ABCC1: variants seen among roughly 807,000 people sequenced by gnomAD.
The protein encoded by ABCC1 is ATP binding cassette subfamily C member 1 (ABCC1 blood group), also known as multidrug resistance-associated protein 1.
ABCC1 carries 83 observed loss-of-function variants against 172.9 expected under a neutral mutation model. That is an observed-to-expected ratio of 0.48 (90% CI 0.40 to 0.58). The LOEUF is 0.58. Among genes scored for constraint, ABCC1 ranks in the 20% least tolerant of loss-of-function variants. ABCC1 has a pLI of 0.00. For missense variants in ABCC1, 1,817 were observed against 2,002.7 expected, an observed-to-expected ratio of 0.91 and a Z score of 1.77; for synonymous variants, 937 against 825.2, an observed-to-expected ratio of 1.14 and a Z score of -2.32.
intron 1 of ABCC1, among the ~76,000 whole-genome samples, chr16:15,986,775 C>T (rs188009894): frequency 7.3e-4 from 111 of 152,282 alleles, no homozygotes; most frequent in African/African-American, 2.5e-3. Flanking sequence ...GGCATCTTTA[C>T]GGGCTATTCT....
chr16:16,103,328 C>G (rs1306102142), intron 20 of ABCC1, among the ~76,000 whole-genome samples: 1 of 152,090 alleles, frequency 6.6e-6, no homozygotes, highest in Non-Finnish European at 1.5e-5. Context: ...GCCTATAATC[C>G]CAGCACTTCG....
At chr16:16,092,367 C>T (rs756787788) in intron 19 of ABCC1, among the ~76,000 whole-genome samples, 3 of 152,210 alleles carry the variant, frequency 2.0e-5, no homozygotes, top group Non-Finnish European at 4.4e-5. Context: ...AACCCCAATC[C>T]ATCAGCCATG....
chr16:16,137,280 C>A (rs1036323008), intron 29 of ABCC1, among the ~76,000 whole-genome samples: 2 of 152,252 alleles, frequency 1.3e-5, no homozygotes, highest in Middle Eastern at 3.4e-3. Context: ...GTTGGCTGAT[C>A]TCGGGGTCAG....
chr16:16,125,922 G>GC lies in ABCC1; in HGVS notation c.3819+15dup, dbSNP rs771012546. ...GAGACTGAGAAGGAGGTAGGCAAGG[G>GC]CCCCTGGCTGGACCTCTTGGTCTTT... On this transcript the variant is annotated intron_variant, in intron 26 of 30. Transcript: ENST00000399410. 3 of 1,607,424 alleles carry GC rather than the reference G, an allele frequency of 1.9e-6. No homozygotes were observed. The highest frequency in any genetic ancestry group is 2.2e-5 in the South Asian group (2 of 90,724).
At chr16:16,071,260 A>ATT (rs55691800) in intron 13 of ABCC1, among the ~76,000 whole-genome samples, 17,366 of 130,520 alleles carry the variant, frequency 0.13, 1,197 homozygotes, top group East Asian at 0.23. Context: ...AATTTTATGT[A>ATT]TTTTTTTTTT....
chr16:15,996,584 C>T (rs2047063438), intron 1 of ABCC1, among the ~76,000 whole-genome samples: 1 of 152,198 alleles, frequency 6.6e-6, no homozygotes, highest in Non-Finnish European at 1.5e-5. Context: ...GTGGCCTTCC[C>T]TCCTGTCCTG....
At chr16:16,023,111 C>A (rs1376558038) in intron 5 of ABCC1, among the ~76,000 whole-genome samples, 2 of 152,172 alleles carry the variant, frequency 1.3e-5, no homozygotes, top group East Asian at 3.9e-4. Flanking sequence ...GTGAGGGCTC[C>A]TTATGTTGCC....
intron 12 of ABCC1, among the ~76,000 whole-genome samples, chr16:16,063,688 A>C (rs545868710): frequency 6.6e-6 from 1 of 152,126 alleles, no homozygotes; most frequent in Non-Finnish European, 1.5e-5. Context: ...GGAGTTCCCA[A>C]GATAATGTTG....
intron 1 of ABCC1, among the ~76,000 whole-genome samples, chr16:15,958,200 G>A (rs779159644): frequency 6.6e-5 from 10 of 152,108 alleles, no homozygotes; most frequent in Non-Finnish European, 1.3e-4. Flanking sequence ...CTGCCTCCCG[G>A]GTTCCAGTGA....
intron 15 of ABCC1, among the ~76,000 whole-genome samples, chr16:16,076,603 G>C (rs980562371): frequency 1.3e-5 from 2 of 152,222 alleles, no homozygotes; most frequent in African/African-American, 4.8e-5. Context: ...CACATGCCTA[G>C]CACAGAGGGT....
chr16:16,005,701 C>T (rs62029839), intron 1 of ABCC1, among the ~76,000 whole-genome samples: 1 of 151,990 alleles, frequency 6.6e-6, no homozygotes, highest in South Asian at 2.1e-4. Context: ...TCACGCCTGT[C>T]ATTCCAACAC....
At chr16:16,079,299 G>T (rs1487090270) in intron 15 of ABCC1, 53 bp from the exon 16 acceptor site, 2 of 1,600,656 alleles carry the variant, frequency 1.2e-6, no homozygotes, top group East Asian at 4.5e-5. Flanking sequence ...ATGGGCATTA[G>T]CCCGGCAGGC....
chr16:16,111,168 G>A lies in ABCC1; in HGVS notation c.2872-207G>A, dbSNP rs549272753. Among the ~76,000 whole-genome samples, 9 of 152,294 alleles carry A rather than the reference G, an allele frequency of 5.9e-5. No homozygotes were observed. In the South Asian group the frequency reaches 1.2e-3, roughly 21 times the overall value. On this transcript the variant is annotated intron_variant, in intron 21 of 30. Coordinates refer to ENST00000399410, the MANE Select transcript of ABCC1 (RefSeq NM_004996.4). ...CCCGCCTCAGCCTCCCAAAATGTTG[G>A]GATTACAGGTGTGAGCCACGGCGCC...
At chr16:15,980,868 T>C (rs1309264481) in intron 1 of ABCC1, among the ~76,000 whole-genome samples, 1 of 152,156 alleles carries the variant, frequency 6.6e-6, no homozygotes, top group East Asian at 1.9e-4. Flanking sequence ...GCAAGTCCCT[T>C]CTGCCTATTA....
chr16:16,121,172 GT>G (rs2045139563), intron 23 of ABCC1, among the ~76,000 whole-genome samples: 1 of 152,026 alleles, frequency 6.6e-6, no homozygotes, highest in Admixed American at 6.6e-5. Context: ...CAATGACCCC[GT>G]GAAGCAAGCT....
chr16:16,047,153 G>A (rs892695357), intron 9 of ABCC1, among the ~76,000 whole-genome samples: 1 of 152,012 alleles, frequency 6.6e-6, no homozygotes, highest in Non-Finnish European at 1.5e-5. Context: ...AGTCCTGATA[G>A]CATCCCTGCA....
chr16:15,962,734 T>C (rs958695788), intron 1 of ABCC1, among the ~76,000 whole-genome samples: 2 of 152,138 alleles, frequency 1.3e-5, no homozygotes, highest in African/African-American at 4.8e-5. Context: ...GGGGAACCGC[T>C]CCCATGATCT....
chr16:16,071,312 G>C (rs953369686), intron 13 of ABCC1, among the ~76,000 whole-genome samples: 2 of 150,982 alleles, frequency 1.3e-5, no homozygotes, highest in Admixed American at 1.3e-4. Context: ...TGGCCAGGCT[G>C]GTCTCAAACT....
intron 1 of ABCC1, among the ~76,000 whole-genome samples, chr16:15,994,768 TTTCTTTTTTTTGC>T (rs1319883217): frequency 6.6e-6 from 1 of 151,878 alleles, no homozygotes; most frequent in African/African-American, 2.4e-5. Flanking sequence ...CTTTTTTTCT[TTTCTTTTTTTTGC>T]AATATGAAGT....
Sources: gnomAD v4.1 joint callset for allele counts (sites outside exome capture counted in the v4.1 genomes callset) on GRCh38, gnomAD v4.1.1 for gene constraint, MANE v1.5 for transcripts, NCBI Gene and HGNC (gene_info 2026-07-23, HGNC 2026-07-21) for gene names.